The following SUGCT variants were observed in gnomAD, a reference collection of about 807,000 sequenced individuals.
The protein encoded by SUGCT is succinyl-CoA:glutarate CoA-transferase.
A neutral mutation model predicts 55.0 loss-of-function variants in SUGCT; 41 were observed. The ratio of observed to expected loss-of-function variants is 0.74; its 90% confidence interval spans 0.58 to 0.97. The LOEUF is 0.97. SUGCT is among the 50% of genes least tolerant of loss of function. The probability of loss-of-function intolerance (pLI) is 0.00; values close to 1 mark genes in which losing one functional copy is unlikely to be tolerated. For synonymous variants in SUGCT, 187 were observed against 200.4 expected, an observed-to-expected ratio of 0.93 and a Z score of 0.56; for missense variants, 568 against 547.8, an observed-to-expected ratio of 1.04 and a Z score of -0.37.
chr7:40,195,922 G>A (rs1355983487), intron 6 of SUGCT, among the ~76,000 whole-genome samples: 1 of 151,578 alleles, frequency 6.6e-6, no homozygotes, highest in African/African-American at 2.4e-5. Flanking sequence ...CCATGTTGGC[G>A]AGGCTGGTCT....
chr7:40,399,106 G>A (rs1455462854), intron 9 of SUGCT, among the ~76,000 whole-genome samples: 1 of 152,134 alleles, frequency 6.6e-6, no homozygotes, highest in Non-Finnish European at 1.5e-5. Context: ...GAAGAGGTTT[G>A]CAAAGGACTG....
chr7:40,378,235 A>T (rs1784703202), intron 9 of SUGCT, among the ~76,000 whole-genome samples: 1 of 143,756 alleles, frequency 7.0e-6, no homozygotes. Flanking sequence ...TTTTTTTGGG[A>T]CTCCTGTTGT....
At chr7:40,817,249 C>T (rs10233069) in intron 13 of SUGCT, among the ~76,000 whole-genome samples, 1 of 152,002 alleles carries the variant, frequency 6.6e-6, no homozygotes, top group Non-Finnish European at 1.5e-5. Flanking sequence ...GGGGAACTTA[C>T]ATTTTTGGAG....
At chr7:40,405,586 G>T (rs900975936) in intron 9 of SUGCT, among the ~76,000 whole-genome samples, 2 of 152,114 alleles carry the variant, frequency 1.3e-5, no homozygotes, top group African/African-American at 4.8e-5. Context: ...AAGGCAGGTG[G>T]ATCACTTGAG....
At chr7:40,573,603 C>T (rs111309201) in intron 12 of SUGCT, among the ~76,000 whole-genome samples, 4,131 of 152,260 alleles carry the variant, frequency 0.027, 71 homozygotes, top group Non-Finnish European at 0.039. Context: ...AGTGATTTTT[C>T]AAAAGCAGCA....
At chr7:40,156,189 C>T (rs1039136733) in intron 1 of SUGCT, among the ~76,000 whole-genome samples, 6 of 152,026 alleles carry the variant, frequency 3.9e-5, no homozygotes, top group Non-Finnish European at 7.4e-5. Context: ...GCTGACTGGG[C>T]GTGGTGGCTC....
chr7:40,737,613 A>G (rs1416541400), intron 12 of SUGCT, among the ~76,000 whole-genome samples: 2 of 152,250 alleles, frequency 1.3e-5, no homozygotes, highest in African/African-American at 2.4e-5. Flanking sequence ...GGGAACCAAG[A>G]AAGTTTGAAA....
intron 10 of SUGCT, among the ~76,000 whole-genome samples, chr7:40,452,414 G>A (rs540025707): frequency 6.6e-6 from 1 of 152,244 alleles, no homozygotes; most frequent in African/African-American, 2.4e-5. Flanking sequence ...AATGTAGTAT[G>A]CATAGGAATG....
At chr7:40,817,410 A>G (rs1478166837) in intron 13 of SUGCT, among the ~76,000 whole-genome samples, 1 of 152,162 alleles carries the variant, frequency 6.6e-6, no homozygotes, top group African/African-American at 2.4e-5. Flanking sequence ...AGAGGCCGGG[A>G]GTAGTGAAGA....
intron 9 of SUGCT, among the ~76,000 whole-genome samples, chr7:40,324,045 T>C (rs1795882277): frequency 6.6e-6 from 1 of 151,962 alleles, no homozygotes; most frequent in Non-Finnish European, 1.5e-5. Flanking sequence ...AAAAGAGAAC[T>C]ACCTTATCTT....
At chr7:40,850,487 G>T (rs1029491032) in intron 13 of SUGCT, among the ~76,000 whole-genome samples, 1 of 152,162 alleles carries the variant, frequency 6.6e-6, no homozygotes, top group Non-Finnish European at 1.5e-5. Context: ...CTAGTTAAAA[G>T]GTAAAAGGGT....
chr7:40,847,389 T>C lies in SUGCT; in HGVS notation c.1154-12927T>C, dbSNP rs1011857165. Among the ~76,000 whole-genome samples the C allele has an allele frequency of 2.0e-5, 3 of 149,762 alleles. No homozygotes were observed. The East Asian group carries it at 6.0e-4, about 30-fold the overall frequency. ...TGAGGGTTCTGTCCTGGAGATGACA[T>C]ATACATTTCTTTTCTTTCTTTCTTT... On this transcript the variant is annotated intron_variant, in intron 13 of 13. Coordinates refer to ENST00000335693, the MANE Select transcript of SUGCT (RefSeq NM_001193313.2).
intron 12 of SUGCT, among the ~76,000 whole-genome samples, chr7:40,583,396 T>G (rs986118102): frequency 6.6e-6 from 1 of 152,172 alleles, no homozygotes; most frequent in African/African-American, 2.4e-5. Context: ...GCTTTTCTAA[T>G]GAATACTTTT....
intron 10 of SUGCT, among the ~76,000 whole-genome samples, chr7:40,454,700 G>A (rs1789380479): frequency 6.6e-6 from 1 of 152,080 alleles, no homozygotes; most frequent in Non-Finnish European, 1.5e-5. Flanking sequence ...GGGAAGAAGT[G>A]GCACAACATG....
chr7:40,852,603 A>T (rs867219736), intron 13 of SUGCT, among the ~76,000 whole-genome samples: 1 of 148,580 alleles, frequency 6.7e-6, no homozygotes, highest in South Asian at 2.2e-4. Flanking sequence ...TAGCCACACT[A>T]GATCATTTTT....
chr7:41,007,576 C>A, the SUGCT span, among the ~76,000 whole-genome samples: 1 of 152,156 alleles, frequency 6.6e-6, no homozygotes, highest in Non-Finnish European at 1.5e-5. Flanking sequence ...GAGACCTAGT[C>A]ACCAATGCCA....
intron 13 of SUGCT, among the ~76,000 whole-genome samples, chr7:40,777,379 T>C (rs1313430859): frequency 6.6e-6 from 1 of 151,986 alleles, no homozygotes; most frequent in Non-Finnish European, 1.5e-5. Context: ...GTTTCTATTG[T>C]AGTAGGGTAA....
intron 13 of SUGCT, among the ~76,000 whole-genome samples, chr7:40,836,546 T>G (rs1792986201): frequency 1.3e-5 from 2 of 152,206 alleles, no homozygotes; most frequent in African/African-American, 4.8e-5. Flanking sequence ...CCGTGATCAA[T>G]GTATAGAACG....
chr7:40,897,894 G>C, the SUGCT span, among the ~76,000 whole-genome samples: 1 of 152,062 alleles, frequency 6.6e-6, no homozygotes, highest in African/African-American at 2.4e-5. Context: ...CTGTAAAATG[G>C]ACCAATCAGC....
Sources: allele counts gnomAD v4.1 joint callset (sites outside exome capture counted in the v4.1 genomes callset), GRCh38; gene constraint gnomAD v4.1.1; transcripts MANE v1.5; gene names NCBI Gene and HGNC (gene_info 2026-07-23, HGNC 2026-07-21).